Variants in TPST1 observed in about 807,000 individuals in gnomAD.
The protein encoded by TPST1 is protein-tyrosine sulfotransferase 1.
Under a neutral mutation model 34.8 loss-of-function variants are expected in TPST1, and 20 were observed. The observed-to-expected ratio is 0.57, with a 90% confidence interval of 0.40 to 0.84. TPST1 has a LOEUF of 0.84. Among genes scored for constraint, TPST1 ranks in the 40% least tolerant of loss-of-function variants. The pLI is 0.00. For missense variants in TPST1, 353 were observed against 455.5 expected, an observed-to-expected ratio of 0.78 and a Z score of 2.05; for synonymous variants, 152 against 159.4, an observed-to-expected ratio of 0.95 and a Z score of 0.35.
At chr7:66,330,868 A>G (rs1031047989) in intron 3 of TPST1, among the ~76,000 whole-genome samples, 1 of 152,246 alleles carries the variant, frequency 6.6e-6, no homozygotes, top group Non-Finnish European at 1.5e-5. Context: ...TGATTTATAT[A>G]TGAAGCATAA....
At position 66,284,950 on chromosome 7, in the gene TPST1, C is replaced by T. The variant is rs539565860; in HGVS notation, c.846-1561C>T. 4.6e-5 allele frequency among the ~76,000 whole-genome samples: 7 copies of T among 152,192 alleles called. No individual in the cohort carries two copies. In the East Asian group the frequency reaches 1.4e-3, roughly 29 times the overall value. ...GCATCTGTTCTGATTTTCCTGACCC[C>T]ACTTGCCTCATTCTCCAATTATTCT... On this transcript the variant is annotated intron_variant, in intron 2 of 5. Coordinates refer to ENST00000304842, the MANE Select transcript of TPST1 (RefSeq NM_003596.4).
At chr7:66,261,384 G>C (rs1790485954) in intron 2 of TPST1, among the ~76,000 whole-genome samples, 1 of 152,058 alleles carries the variant, frequency 6.6e-6, no homozygotes, top group African/African-American at 2.4e-5. Context: ...GGGCAGCACT[G>C]TGTTGCTGTG....
chr7:66,214,846 T>C lies in TPST1; in HGVS notation c.-102+9324T>C, dbSNP rs1789354785. Reference sequence around the variant, plus strand: ...CAAAAATATATATATAAATATATAATATGCATTTAATATGTTTTTAAATAT... The same window carrying C: ...CAAAAATATATATATAAATATATAACATGCATTTAATATGTTTTTAAATAT... On this transcript the variant is annotated intron_variant, in intron 1 of 5. Transcript: ENST00000304842. 2.0e-5 allele frequency among the ~76,000 whole-genome samples: 3 copies of C among 148,318 alleles called. No individual in the cohort carries two copies. The South Asian group carries it at 6.3e-4, about 31-fold the overall frequency.
At chr7:66,264,785 G>A (rs1019926668) in intron 2 of TPST1, among the ~76,000 whole-genome samples, 1 of 152,022 alleles carries the variant, frequency 6.6e-6, no homozygotes, top group Non-Finnish European at 1.5e-5. Flanking sequence ...AAGAAAAAAA[G>A]CCATGAATAG....
chr7:66,238,380 C>T (rs1211366930), intron 1 of TPST1, among the ~76,000 whole-genome samples: 1 of 148,404 alleles, frequency 6.7e-6, no homozygotes, highest in East Asian at 2.0e-4. Context: ...GCTTTTGTTA[C>T]ATTCCAGCCT....
chr7:66,200,560 C>G (rs747738010), upstream of TPST1, among the ~76,000 whole-genome samples: 3 of 151,804 alleles, frequency 2.0e-5, no homozygotes, highest in African/African-American at 4.8e-5. Flanking sequence ...GCTGGAACTA[C>G]AGGCGCCCGC....
At chr7:66,299,642 C>G (rs1168720878) in intron 3 of TPST1, among the ~76,000 whole-genome samples, 1 of 152,036 alleles carries the variant, frequency 6.6e-6, no homozygotes, top group Non-Finnish European at 1.5e-5. Flanking sequence ...ATTCATTGAT[C>G]CCTTCTTTTT....
At chr7:66,312,854 T>G (rs1455292986) in intron 3 of TPST1, among the ~76,000 whole-genome samples, 1 of 151,914 alleles carries the variant, frequency 6.6e-6, no homozygotes, top group Non-Finnish European at 1.5e-5. Context: ...AAATAGAGAT[T>G]TAACTGGTGA....
chr7:66,217,301 G>A (rs1220731656), intron 1 of TPST1, among the ~76,000 whole-genome samples: 1 of 152,092 alleles, frequency 6.6e-6, no homozygotes, highest in Non-Finnish European at 1.5e-5. Flanking sequence ...GCCTCCAACT[G>A]TTATTGTTAA....
At chr7:66,356,772 C>A in intron 4 of TPST1, 53 bp from the exon 5 acceptor site, 1 of 1,612,100 alleles carries the variant, frequency 6.2e-7, no homozygotes, top group Non-Finnish European at 8.5e-7. Flanking sequence ...ACGGTCACTT[C>A]TCATGCTGAC....
chr7:66,344,995 A>G (rs997514592), intron 3 of TPST1, among the ~76,000 whole-genome samples: 23 of 151,222 alleles, frequency 1.5e-4, no homozygotes, highest in Non-Finnish European at 2.2e-4. Flanking sequence ...AAGTGCTGGG[A>G]TTACAGGCGT....
chr7:66,312,871 GA>G (rs1791558658), intron 3 of TPST1, among the ~76,000 whole-genome samples: 1 of 152,088 alleles, frequency 6.6e-6, no homozygotes, highest in African/African-American at 2.4e-5. Context: ...GTGACTAATA[GA>G]TGTCTGCAAA....
At position 66,296,676 on chromosome 7, in the gene TPST1, G is replaced by GTTTTTTTT. The variant is rs55888171; in HGVS notation, c.1044+9981_1044+9988dup. Among the ~76,000 whole-genome samples, 46 of 92,096 alleles carry GTTTTTTTT rather than the reference G, an allele frequency of 5.0e-4. 3 individuals are homozygous for GTTTTTTTT. The highest frequency in any genetic ancestry group is 8.0e-4 in the African/African-American group (18 of 22,578). The allele number at this position is 92,096 out of a possible 152,430, so 60.4% of individuals were successfully genotyped here. ...CTCTAAGCCTAAAAATACTGGGTTG[G>GTTTTTTTT]TTTTTTTTTTTTTTTTTTTTTGGTA... On this transcript the variant is annotated intron_variant, in intron 3 of 5. Coordinates refer to ENST00000304842, the MANE Select transcript of TPST1 (RefSeq NM_003596.4).
chr7:66,355,862 G>A (rs1361129014), intron 4 of TPST1, among the ~76,000 whole-genome samples: 2 of 141,144 alleles, frequency 1.4e-5, no homozygotes, highest in East Asian at 2.1e-4. Flanking sequence ...CCGAGATTGC[G>A]CCACTGCATT....
At chr7:66,326,319 TTCAGAATGCCCTG>T (rs1172300183) in intron 3 of TPST1, among the ~76,000 whole-genome samples, 1 of 152,178 alleles carries the variant, frequency 6.6e-6, no homozygotes, top group East Asian at 1.9e-4. Context: ...GAACAGGGCA[TTCAGAATGCCCTG>T]TGAGCTCAGA....
intron 3 of TPST1, among the ~76,000 whole-genome samples, chr7:66,294,506 T>C (rs1390951051): frequency 1.3e-5 from 2 of 152,154 alleles, no homozygotes; most frequent in East Asian, 3.8e-4. Context: ...CAATTCATTA[T>C]TAGCAGCTAT....
chr7:66,255,145 CAAAA>C (rs35033344), intron 2 of TPST1, among the ~76,000 whole-genome samples: 4 of 78,514 alleles, frequency 5.1e-5, no homozygotes, highest in Admixed American at 1.3e-4. Flanking sequence ...GACAACGTCT[CAAAA>C]AAAAAAAAAA....
At chr7:66,328,884 C>CTATATATATA (rs1562847162) in intron 3 of TPST1, among the ~76,000 whole-genome samples, 2 of 29,416 alleles carry the variant, frequency 6.8e-5, no homozygotes, top group Non-Finnish European at 1.1e-4. Context: ...CTCTCTCTCT[C>CTATATATATA]TCTATATATA....
chr7:66,220,610 G>A (rs986583110), intron 1 of TPST1, among the ~76,000 whole-genome samples: 5 of 150,524 alleles, frequency 3.3e-5, no homozygotes, highest in African/African-American at 1.2e-4. Context: ...CAGTGCATGC[G>A]GAGGCTCAAA....
Sources: allele counts gnomAD v4.1 joint callset (sites outside exome capture counted in the v4.1 genomes callset), GRCh38; gene constraint gnomAD v4.1.1; transcripts MANE v1.5; gene names NCBI Gene and HGNC (gene_info 2026-07-23, HGNC 2026-07-21).